Variants in RTL4 observed in about 807,000 individuals in gnomAD.
RTL4 encodes the protein retrotransposon Gag like 4.
A neutral mutation model predicts 5.3 loss-of-function variants in RTL4; 4 were observed. The ratio of observed to expected loss-of-function variants is 0.75; its 90% CI spans 0.37 to 1.72. The LOEUF (loss-of-function observed/expected upper bound fraction) is 1.72. Among genes scored for constraint, RTL4 ranks in the 40% most tolerant of loss-of-function variants. RTL4 has a pLI of 0.04. For missense variants in RTL4, 260 were observed against 227.1 expected, an observed-to-expected ratio of 1.14 and a Z score of -0.93; for synonymous variants, 98 against 87.3, an observed-to-expected ratio of 1.12 and a Z score of -0.68.
chrX:112,193,504 T>C, the RTL4 span, among the ~76,000 whole-genome samples: 2 of 111,782 alleles, frequency 1.8e-5, no homozygotes, highest in Non-Finnish European at 3.8e-5. Context: ...TTTCTCTTTG[T>C]ATTTGCTTTC....
At chrX:112,339,989 T>G in the RTL4 span, among the ~76,000 whole-genome samples, 1 of 112,990 alleles carries the variant, frequency 8.9e-6, no homozygotes, top group East Asian at 2.8e-4. Flanking sequence ...GGATCTGGCC[T>G]GTGGGCCATA....
the RTL4 span, among the ~76,000 whole-genome samples, chrX:112,103,771 T>C: frequency 9.0e-6 from 1 of 110,863 alleles, no homozygotes; most frequent in East Asian, 2.8e-4. Context: ...TATTTTTAAA[T>C]ATACAGGTAA....
chrX:112,200,494 G>T, the RTL4 span, among the ~76,000 whole-genome samples: 1 of 112,074 alleles, frequency 8.9e-6, no homozygotes, highest in Non-Finnish European at 1.9e-5. Context: ...GAGAATAAAT[G>T]GCTTGAAGTT....
At chrX:112,357,210 T>C in the RTL4 span, among the ~76,000 whole-genome samples, 1 of 110,336 alleles carries the variant, frequency 9.1e-6, no homozygotes, top group Non-Finnish European at 1.9e-5. Flanking sequence ...TCAGTACCTC[T>C]AATCTTACTT....
the RTL4 span, among the ~76,000 whole-genome samples, chrX:112,442,570 G>A: frequency 9.0e-6 from 1 of 110,982 alleles, no homozygotes; most frequent in Non-Finnish European, 1.9e-5. Context: ...CATTTCAAAT[G>A]AATGAATTTT....
At chrX:112,110,448 G>A in the RTL4 span, among the ~76,000 whole-genome samples, 4 of 111,806 alleles carry the variant, frequency 3.6e-5, no homozygotes, top group African/African-American at 1.3e-4. Context: ...AACCCTATAA[G>A]TAGGGGTATT....
At chrX:112,336,380 T>G in the RTL4 span, among the ~76,000 whole-genome samples, 1 of 111,937 alleles carries the variant, frequency 8.9e-6, no homozygotes, top group Non-Finnish European at 1.9e-5. Context: ...ATTGTTTTAC[T>G]TAGTTTTGTG....
the RTL4 span, among the ~76,000 whole-genome samples, chrX:112,242,073 G>A: frequency 2.7e-5 from 3 of 111,757 alleles, no homozygotes; most frequent in Admixed American, 9.5e-5. Context: ...TTTGGTACCA[G>A]TACCATGCTG....
the RTL4 span, among the ~76,000 whole-genome samples, chrX:112,263,251 A>G: frequency 4.5e-5 from 5 of 110,004 alleles, no homozygotes; most frequent in Admixed American, 4.8e-4. Flanking sequence ...GGTAGAGAGA[A>G]GCATTGTGTT....
chrX:112,364,593 A>T, the RTL4 span, among the ~76,000 whole-genome samples: 1 of 110,992 alleles, frequency 9.0e-6, no homozygotes, highest in African/African-American at 3.3e-5. Context: ...GAGTGCAGGC[A>T]GTAAAGATCA....
chrX:112,162,137 G>A, the RTL4 span, among the ~76,000 whole-genome samples: 1 of 110,291 alleles, frequency 9.1e-6, no homozygotes, highest in African/African-American at 3.3e-5. Context: ...GTTATGAGGA[G>A]TATTGGTATA....
At chrX:112,109,684 C>T in the RTL4 span, among the ~76,000 whole-genome samples, 1 of 111,588 alleles carries the variant, frequency 9.0e-6, no homozygotes, top group Non-Finnish European at 1.9e-5. Flanking sequence ...TTTTACAATC[C>T]TCTTGTATGA....
At chrX:112,139,002 C>G in the RTL4 span, among the ~76,000 whole-genome samples, 3 of 111,577 alleles carry the variant, frequency 2.7e-5, no homozygotes, top group Non-Finnish European at 5.7e-5. Flanking sequence ...AGTTGTCCTT[C>G]CAATCTGTGA....
At chrX:112,110,249 G>T in the RTL4 span, among the ~76,000 whole-genome samples, 16 of 112,502 alleles carry the variant, frequency 1.4e-4, no homozygotes, top group South Asian at 5.9e-3. Context: ...TTTCTCAGCA[G>T]TGAGGAGGTC....
At chrX:112,185,829 A>C in the RTL4 span, among the ~76,000 whole-genome samples, 1 of 110,948 alleles carries the variant, frequency 9.0e-6, no homozygotes. Context: ...TGATCAAAGA[A>C]GCAGAACCAC....
the RTL4 span, among the ~76,000 whole-genome samples, chrX:112,260,904 C>A: frequency 9.0e-6 from 1 of 111,731 alleles, no homozygotes; most frequent in South Asian, 3.8e-4. Flanking sequence ...CATAGGCAGG[C>A]TAAGGGGTGT....
chrX:112,399,714 A>G, the RTL4 span, among the ~76,000 whole-genome samples: 2 of 111,448 alleles, frequency 1.8e-5, no homozygotes, highest in Non-Finnish European at 3.8e-5. Context: ...ATTTTGATCA[A>G]TCTAGATTTC....
At chrX:112,296,576 TC>T in the RTL4 span, among the ~76,000 whole-genome samples, 7 of 108,946 alleles carry the variant, frequency 6.4e-5, no homozygotes, top group Non-Finnish European at 1.1e-4. Flanking sequence ...GGTTTACCCC[TC>T]TTGAGAATCC....
chrX:112,423,256 A>T, the RTL4 span, among the ~76,000 whole-genome samples: 1 of 110,310 alleles, frequency 9.1e-6, no homozygotes, highest in Non-Finnish European at 1.9e-5. Flanking sequence ...CATGTGGATT[A>T]TGGATGTATG....
Sources: allele counts gnomAD v4.1 joint callset (sites outside exome capture counted in the v4.1 genomes callset), GRCh38; gene constraint gnomAD v4.1.1; transcripts MANE v1.5; gene names NCBI Gene and HGNC (gene_info 2026-07-23, HGNC 2026-07-21).